Variants in ANP32E observed in about 807,000 individuals in gnomAD.
The protein encoded by ANP32E is acidic nuclear phosphoprotein 32 family member E.
A neutral mutation model predicts 35.3 loss-of-function variants in ANP32E; 14 were observed. The ratio of observed to expected loss-of-function variants is 0.40; its 90% CI spans 0.26 to 0.62. ANP32E has a LOEUF of 0.62. Among genes scored for constraint, ANP32E ranks in the 20% least tolerant of loss-of-function variants. The pLI is 0.45. For synonymous variants in ANP32E, 89 were observed against 110.4 expected (o/e 0.81, Z 1.22); for missense variants, 198 against 304.4 (o/e 0.65, Z 2.60).
At chr1:150,233,073 T>C (rs1649495943) in intron 1 of ANP32E, among the ~76,000 whole-genome samples, 1 of 151,754 alleles carries the variant, frequency 6.6e-6, no homozygotes, top group African/African-American at 2.4e-5. Context: ...AAGACAAGCC[T>C]GGCCAACATA....
chr1:150,234,744 C>T, intron 1 of ANP32E: 5 of 902,688 alleles, frequency 5.5e-6, no homozygotes, highest in Non-Finnish European at 6.6e-6. Flanking sequence ...CCCGCGTTGT[C>T]CTCGCGCCTT....
chr1:150,230,989 C>A (rs1172326347), intron 2 of ANP32E, among the ~76,000 whole-genome samples: 1 of 152,046 alleles, frequency 6.6e-6, no homozygotes, highest in Non-Finnish European at 1.5e-5. Flanking sequence ...GTGATCCACC[C>A]GCCTCGGCCT....
At chr1:150,220,881 TCCCAGCA>T in intron 6 of ANP32E, 120 bp from the exon 7 acceptor site, 1 of 775,824 alleles carries the variant, frequency 1.3e-6, no homozygotes, top group South Asian at 1.4e-5. Flanking sequence ...ACACCTGTAA[TCCCAGCA>T]CTTTGGGAGG....
intron 1 of ANP32E, among the ~76,000 whole-genome samples, chr1:150,233,264 C>CAAAAAAAAAAAAAAAAAAAAACAA: frequency 1.2e-5 from 1 of 86,426 alleles, no homozygotes; most frequent in Non-Finnish European, 2.3e-5. Flanking sequence ...GACTCTATCT[C>CAAAAAAAAAAAAAAAAAAAAACAA]AAAAAAAAAA....
At position 150,229,082 on chromosome 1, in the gene ANP32E, C is replaced by A; in HGVS notation, c.483G>T (p.Glu161Asp). The A allele has an allele frequency of 6.2e-7, 1 of 1,613,042 alleles. No individual in the cohort carries two copies. The highest frequency in any genetic ancestry group is 8.5e-7 in the Non-Finnish European group (1 of 1,179,726). The change falls in exon 4 of 7, where the codon GAG (glutamate) becomes GAT (aspartate). Residue 161 changes from glutamate to aspartate, a missense_variant. This residue lies in a region of ANP32E where 121 missense variants were observed against 137.3 expected (regional missense o/e 0.88). Coordinates refer to ENST00000583931, the MANE Select transcript of ANP32E (RefSeq NM_030920.5). ...EDNEAPDSEE[E>D]DDEDGDEDDE... Reference sequence around the variant, plus strand: ...ATTAAGAACGATTACCCTCATCATCCTCCTCTTCAGAGTCCGGCGCTTCAT... The same window carrying A: ...ATTAAGAACGATTACCCTCATCATCATCCTCTTCAGAGTCCGGCGCTTCAT...
rs1553838033 is a variant in ANP32E, at chr1:150,221,604, G to GGGAGGGAAGGAAGGAAGGAAGGAAGGAA, written c.737-844_737-843insTTCCTTCCTTCCTTCCTTCCTTCCCTCC. On this transcript the variant is annotated intron_variant, in intron 6 of 6. Transcript: ENST00000583931. ...AGGAAGGGAGGGAGGGAGGGAGGGA[G>GGGAGGGAAGGAAGGAAGGAAGGAAGGAA]GGAAGGAAGGAAGGAAGGAAGGAAA... Among the ~76,000 whole-genome samples the GGGAGGGAAGGAAGGAAGGAAGGAAGGAA allele has an allele frequency of 8.1e-4, 30 of 36,894 alleles. 3 individuals are homozygous for GGGAGGGAAGGAAGGAAGGAAGGAAGGAA. Among genetic ancestry groups the GGGAGGGAAGGAAGGAAGGAAGGAAGGAA allele is most frequent in the African/African-American group, 4.8e-3 (27 of 5,682 alleles). The allele number at this position is 36,894 out of a possible 152,430, so 24.2% of individuals were successfully genotyped here.
chr1:150,222,092 T>A (rs1648452681), intron 6 of ANP32E, among the ~76,000 whole-genome samples: 1 of 121,758 alleles, frequency 8.2e-6, no homozygotes, highest in Admixed American at 8.2e-5. Context: ...CTCAAAACAA[T>A]AAAATGAAAT....
At chr1:150,226,900 T>C in intron 4 of ANP32E, 105 bp from the exon 5 acceptor site, 5 of 1,414,440 alleles carry the variant, frequency 3.5e-6, no homozygotes, top group Non-Finnish European at 2.8e-6. Flanking sequence ...TGTAAGCCAA[T>C]AGGTGGAAAG....
At chr1:150,221,489 AAGGGAGGG>A (rs1213434995) in intron 6 of ANP32E, among the ~76,000 whole-genome samples, 1 of 120,968 alleles carries the variant, frequency 8.3e-6, no homozygotes, top group African/African-American at 3.4e-5. Flanking sequence ...GAGAGGAAGG[AAGGGAGGG>A]AGGGAGGGAG....
At chr1:150,234,574 C>T in intron 1 of ANP32E, 2 of 985,518 alleles carry the variant, frequency 2.0e-6, no homozygotes, top group Non-Finnish European at 2.4e-6. Context: ...AGACAACTCC[C>T]TTACGTTCCA....
At position 150,229,298 on chromosome 1, in the gene ANP32E, CTTTTTTTTTT is replaced by C. The variant is rs368884324; in HGVS notation, c.328-71_328-62del. 5 of 431,590 alleles carry C rather than the reference CTTTTTTTTTT, an allele frequency of 1.2e-5. No individual in the cohort carries two copies. The Admixed American group carries it at 1.7e-4, about 15-fold the overall frequency. The allele number at this position is 431,590 out of a possible 1,614,324, so 26.7% of individuals were successfully genotyped here. A position where few individuals can be genotyped will look rare whatever the true frequency, so the allele number is the denominator to read the frequency against. Reference sequence around the variant, plus strand: ...TAAAATACCATGTTATTTCTTTTTTCTTTTTTTTTTTTTTTTTTTGAGACGGAGTCTAGCT... The same window carrying C: ...TAAAATACCATGTTATTTCTTTTTTCTTTTTTTTTGAGACGGAGTCTAGCT... On this transcript the variant is annotated intron_variant, in intron 3 of 6. Transcript: ENST00000583931.
At chr1:150,224,853 A>G (rs1295019966) in intron 5 of ANP32E, among the ~76,000 whole-genome samples, 1 of 152,202 alleles carries the variant, frequency 6.6e-6, no homozygotes, top group Non-Finnish European at 1.5e-5. Flanking sequence ...TTAGGAGAAA[A>G]TAACTAACCT....
At chr1:150,221,014 A>G (rs1553837598) in intron 6 of ANP32E, among the ~76,000 whole-genome samples, 1 of 148,162 alleles carries the variant, frequency 6.7e-6, no homozygotes, top group Admixed American at 6.9e-5. Context: ...GCTACTCCAG[A>G]GGCTAAGGAA....
chr1:150,225,535 G>A (rs1553839567), intron 5 of ANP32E, among the ~76,000 whole-genome samples: 1 of 151,864 alleles, frequency 6.6e-6, no homozygotes, highest in African/African-American at 2.4e-5. Flanking sequence ...ACCAGGCGTG[G>A]TGGAGTGTGC....
rs1340001383 is a variant in ANP32E, at chr1:150,235,227, C to T, written c.54+506G>A. 2.0e-5 allele frequency among the ~76,000 whole-genome samples: 3 copies of T among 152,242 alleles called. No homozygotes were observed. Among genetic ancestry groups the T allele is most frequent in the African/African-American group, 7.2e-5 (3 of 41,468 alleles). The stretch of plus-strand genomic sequence containing the variant: ...CAGTGCGCGGACCCTGCAAGCGACC[C>T]CAGCCCGCGCCCGTCGCGACGTCGG... On this transcript the variant is annotated intron_variant, in intron 1 of 6. Transcript: ENST00000583931. The surrounding 1 kb of genome is among the most constrained non-coding windows in gnomAD (Gnocchi z 4.2).
At chr1:150,225,111 G>C (rs1463088940) in intron 5 of ANP32E, among the ~76,000 whole-genome samples, 1 of 152,208 alleles carries the variant, frequency 6.6e-6, no homozygotes, top group South Asian at 2.1e-4. Flanking sequence ...GAGCTTCAAT[G>C]ATGAGGCAAC....
chr1:150,231,711 TG>T, intron 2 of ANP32E, 65 bp downstream of exon 2: 2 of 1,507,848 alleles, frequency 1.3e-6, no homozygotes, highest in East Asian at 2.3e-5. Flanking sequence ...TCATTCCATT[TG>T]GCCAAACACT....
chr1:150,226,014 T>G (rs868908327), intron 5 of ANP32E, among the ~76,000 whole-genome samples: 1,732 of 150,790 alleles, frequency 0.011, 50 homozygotes, highest in African/African-American at 0.037. Flanking sequence ...CCTGTTTTTT[T>G]TTTTTTTTTG....
chr1:150,236,083 T>A lies in ANP32E; in HGVS notation c.-297A>T. 1 of 321,798 alleles carries A rather than the reference T, an allele frequency of 3.1e-6. No individual in the cohort carries two copies. The highest frequency in any genetic ancestry group is 5.8e-6 in the Non-Finnish European group (1 of 171,888). The allele number at this position is 321,798 out of a possible 1,614,324, so 19.9% of individuals were successfully genotyped here. A position where few individuals can be genotyped will look rare whatever the true frequency, so the allele number is the denominator to read the frequency against. On this transcript the variant is annotated 5_prime_UTR_variant, in exon 1 of 7. Transcript: ENST00000583931. ...ACACATACACACACACACCCGCAGT[T>A]CCTTCCCCTTCAATGGCTGCTCAGA...
Sources: allele counts gnomAD v4.1 joint callset (sites outside exome capture counted in the v4.1 genomes callset), GRCh38; gene constraint gnomAD v4.1.1; regional missense constraint gnomAD v4.1.1; non-coding constraint Gnocchi (gnomAD v3.1); transcripts MANE v1.5; gene names NCBI Gene and HGNC (gene_info 2026-07-23, HGNC 2026-07-21).